Variants in MACROD2 observed in about 807,000 individuals in gnomAD.
MACROD2 encodes mono-ADP ribosylhydrolase 2.
A neutral mutation model predicts 70.4 loss-of-function variants in MACROD2; 36 were observed. The ratio of observed to expected loss-of-function variants is 0.51; its 90% CI spans 0.39 to 0.68. The LOEUF is 0.68. Among genes scored for constraint, MACROD2 ranks in the 30% least tolerant of loss-of-function variants. The pLI is 0.00. For missense variants in MACROD2, 496 were observed against 538.4 expected, an observed-to-expected ratio of 0.92 and a Z score of 0.78; for synonymous variants, 172 against 178.8, an observed-to-expected ratio of 0.96 and a Z score of 0.30.
intron 6 of MACROD2, among the ~76,000 whole-genome samples, chr20:15,420,742 A>G (rs1004131018): frequency 6.6e-6 from 1 of 152,116 alleles, no homozygotes; most frequent in South Asian, 2.1e-4. Flanking sequence ...GGTTAATTTT[A>G]TTTCTAGGAA....
chr20:15,545,979 G>A (rs902776412), intron 8 of MACROD2, among the ~76,000 whole-genome samples: 1 of 152,200 alleles, frequency 6.6e-6, no homozygotes, highest in Non-Finnish European at 1.5e-5. Context: ...AGACAGCTGG[G>A]CACGATGGCT....
rs117931583 is a variant in MACROD2 at position 15,541,561 on chromosome 20, C to G, written c.645+41714C>G. Among the ~76,000 whole-genome samples, 876 of 152,222 alleles carry G rather than the reference C, an allele frequency of 5.8e-3. 21 individuals are homozygous for G. Among genetic ancestry groups the G allele is most frequent in the East Asian group, 0.049 (256 of 5,180 alleles). On this transcript the variant is annotated intron_variant, in intron 8 of 17. Transcript: ENST00000684519. ...AATATAAGTGACACATCTCCATACG[C>G]CCCAAAGCAGCATCTGGTTTGATAT...
intron 5 of MACROD2, among the ~76,000 whole-genome samples, chr20:15,104,602 C>G (rs181207359): frequency 6.6e-6 from 1 of 152,260 alleles, no homozygotes; most frequent in Non-Finnish European, 1.5e-5. Flanking sequence ...TTGTGCTTGT[C>G]TGACTTCACT....
intron 4 of MACROD2, among the ~76,000 whole-genome samples, chr20:14,550,373 C>T (rs968343144): frequency 6.6e-6 from 1 of 152,060 alleles, no homozygotes; most frequent in African/African-American, 2.4e-5. Context: ...TTGTGTCCCT[C>T]TGAAAATTTT....
intron 2 of MACROD2, among the ~76,000 whole-genome samples, chr20:14,081,710 A>G (rs2053997055): frequency 6.6e-6 from 1 of 152,218 alleles, no homozygotes; most frequent in Non-Finnish European, 1.5e-5. Flanking sequence ...GTGGTAATTT[A>G]TATTGTTGTA....
intron 15 of MACROD2, among the ~76,000 whole-genome samples, chr20:16,020,194 AC>A (rs2066982483): frequency 6.6e-6 from 1 of 151,932 alleles, no homozygotes; most frequent in African/African-American, 2.4e-5. Context: ...TTGCCATCCC[AC>A]CCTGACCCTG....
intron 8 of MACROD2, among the ~76,000 whole-genome samples, chr20:15,536,119 C>G (rs897479864): frequency 8.5e-5 from 13 of 152,190 alleles, no homozygotes; most frequent in Non-Finnish European, 1.5e-4. Context: ...TCCCCCTCAT[C>G]AGCACTTCTG....
At chr20:14,144,519 C>A (rs1350914190) in intron 3 of MACROD2, among the ~76,000 whole-genome samples, 3 of 152,096 alleles carry the variant, frequency 2.0e-5, no homozygotes, top group Non-Finnish European at 2.9e-5. Context: ...ATGTATTTGC[C>A]TGGTCCAGAA....
At chr20:15,034,453 C>T (rs1440844993) in intron 5 of MACROD2, among the ~76,000 whole-genome samples, 2 of 152,070 alleles carry the variant, frequency 1.3e-5, no homozygotes, top group Non-Finnish European at 2.9e-5. Context: ...ACTTTCCTTT[C>T]CCCCAGCCCC....
chr20:14,208,728 T>A (rs1318816843), intron 3 of MACROD2, among the ~76,000 whole-genome samples: 5 of 152,136 alleles, frequency 3.3e-5, no homozygotes, highest in Non-Finnish European at 7.3e-5. Context: ...TGATTAGAGT[T>A]GGTTTTCTGT....
At chr20:14,527,146 T>G (rs1007589057) in intron 4 of MACROD2, among the ~76,000 whole-genome samples, 1 of 152,204 alleles carries the variant, frequency 6.6e-6, no homozygotes, top group South Asian at 2.1e-4. Context: ...TGCTGGTTGG[T>G]GGCCTGCTGG....
chr20:14,957,029 A>T (rs2074542601), intron 5 of MACROD2, among the ~76,000 whole-genome samples: 1 of 152,160 alleles, frequency 6.6e-6, no homozygotes, highest in Non-Finnish European at 1.5e-5. Flanking sequence ...ATCTTTGACA[A>T]TAAGCAATAA....
intron 4 of MACROD2, among the ~76,000 whole-genome samples, chr20:14,638,810 G>A (rs1432311553): frequency 1.3e-5 from 2 of 151,848 alleles, no homozygotes; most frequent in Middle Eastern, 3.2e-3. Context: ...GTTAGCCAGG[G>A]GTGGTGGCAT....
chr20:15,999,863 T>C (rs1194260746), intron 15 of MACROD2, among the ~76,000 whole-genome samples: 1 of 152,168 alleles, frequency 6.6e-6, no homozygotes, highest in Admixed American at 6.5e-5. Context: ...GTAGAAGTGA[T>C]AGGGTGAAAA....
At chr20:14,666,434 T>C (rs1728200694) in intron 4 of MACROD2, among the ~76,000 whole-genome samples, 1 of 152,134 alleles carries the variant, frequency 6.6e-6, no homozygotes, top group African/African-American at 2.4e-5. Flanking sequence ...GACTTTTGAT[T>C]TCTGTGCGAC....
At chr20:14,764,166 G>T (rs530443411) in intron 5 of MACROD2, among the ~76,000 whole-genome samples, 3 of 152,070 alleles carry the variant, frequency 2.0e-5, no homozygotes, top group Admixed American at 6.5e-5. Flanking sequence ...AGAAGGAAAA[G>T]GTTGGGATAT....
At chr20:14,408,352 C>T (rs891788199) in intron 3 of MACROD2, among the ~76,000 whole-genome samples, 3 of 152,136 alleles carry the variant, frequency 2.0e-5, no homozygotes, top group Non-Finnish European at 4.4e-5. Context: ...CTCACACCAA[C>T]TTTGCATAAC....
At chr20:14,833,328 A>C (rs900075644) in intron 5 of MACROD2, among the ~76,000 whole-genome samples, 1 of 152,184 alleles carries the variant, frequency 6.6e-6, no homozygotes, top group East Asian at 1.9e-4. Context: ...GAGGAAGAAA[A>C]AATTGAGAGA....
intron 8 of MACROD2, among the ~76,000 whole-genome samples, chr20:15,554,114 C>G (rs1211736334): frequency 1.3e-5 from 2 of 152,104 alleles, no homozygotes; most frequent in Non-Finnish European, 2.9e-5. Context: ...CATGGCTGGA[C>G]TGGAAAGAGA....
Sources: gnomAD v4.1 joint callset for allele counts (sites outside exome capture counted in the v4.1 genomes callset) on GRCh38, gnomAD v4.1.1 for gene constraint, MANE v1.5 for transcripts, NCBI Gene and HGNC (gene_info 2026-07-23, HGNC 2026-07-21) for gene names.